GRIK4: variants seen among roughly 807,000 people sequenced by gnomAD.
The protein encoded by GRIK4 is glutamate receptor ionotropic, kainate 4.
In GRIK4, 40 loss-of-function variants were observed where a neutral mutation model predicts 104.9. The observed-to-expected ratio is 0.38, with a 90% confidence interval of 0.30 to 0.50. The LOEUF is 0.50. Ranked by LOEUF, GRIK4 falls within the 20% of genes least tolerant of loss-of-function variation. The pLI, the probability that GRIK4 is intolerant of heterozygous loss-of-function variation, is 0.93. For synonymous variants in GRIK4, 485 were observed against 524.9 expected (o/e 0.92, Z 1.04); for missense variants, 1,047 against 1,308.1 (o/e 0.80, Z 3.08).
At chr11:120,822,524 G>A (rs1178702569) in intron 6 of GRIK4, among the ~76,000 whole-genome samples, 1 of 152,218 alleles carries the variant, frequency 6.6e-6, no homozygotes, top group Non-Finnish European at 1.5e-5. Context: ...GTAGCCACAA[G>A]CCACGTATGG....
chr11:120,945,257 T>G (rs898722368), intron 14 of GRIK4, among the ~76,000 whole-genome samples: 1 of 152,194 alleles, frequency 6.6e-6, no homozygotes, highest in African/African-American at 2.4e-5. Flanking sequence ...AAATGGCACT[T>G]GCTCTTCCAC....
intron 1 of GRIK4, among the ~76,000 whole-genome samples, chr11:120,642,724 C>A (rs555682131): frequency 1.3e-5 from 2 of 152,194 alleles, no homozygotes; most frequent in Non-Finnish European, 2.9e-5. Context: ...CGGCCAGCAG[C>A]GGCCTTGGGT....
chr11:120,976,555 A>G (rs2134780694), intron 19 of GRIK4, among the ~76,000 whole-genome samples: 1 of 152,362 alleles, frequency 6.6e-6, no homozygotes, highest in African/African-American at 2.4e-5. Flanking sequence ...TAGTTCTGAA[A>G]TAGAAAGTGC....
intron 3 of GRIK4, among the ~76,000 whole-genome samples, chr11:120,701,176 G>A (rs1422259057): frequency 6.6e-6 from 1 of 152,106 alleles, no homozygotes; most frequent in Non-Finnish European, 1.5e-5. Context: ...GTACAATACG[G>A]TTTTATTAAC....
intron 1 of GRIK4, among the ~76,000 whole-genome samples, chr11:120,604,371 A>G (rs977331452): frequency 6.6e-6 from 1 of 152,152 alleles, no homozygotes; most frequent in Non-Finnish European, 1.5e-5. Context: ...TCAGGAAGGC[A>G]TGAACTAAAT....
intron 14 of GRIK4, among the ~76,000 whole-genome samples, chr11:120,951,926 G>A (rs191320459): frequency 1.4e-4 from 22 of 152,336 alleles, no homozygotes; most frequent in Admixed American, 9.8e-4. Context: ...TCTGTGGGCC[G>A]TATGCATCCA....
intron 9 of GRIK4, among the ~76,000 whole-genome samples, chr11:120,863,744 T>C (rs1402375757): frequency 6.6e-6 from 1 of 152,198 alleles, no homozygotes; most frequent in Non-Finnish European, 1.5e-5. Flanking sequence ...GGCATCTAAT[T>C]AGTACTTGGC....
intron 3 of GRIK4, among the ~76,000 whole-genome samples, chr11:120,753,295 C>CTGTG (rs1491473145): frequency 1.6e-4 from 19 of 116,106 alleles, no homozygotes; most frequent in Middle Eastern, 4.0e-3. Flanking sequence ...GACAACACAA[C>CTGTG]TCTGTGTGTG....
intron 3 of GRIK4, among the ~76,000 whole-genome samples, chr11:120,699,446 G>A (rs985088276): frequency 6.6e-6 from 1 of 152,016 alleles, no homozygotes; most frequent in Admixed American, 6.6e-5. Flanking sequence ...TACGGACCAG[G>A]TACTGTTCTA....
At chr11:120,655,723 G>T (rs1036291594) in intron 2 of GRIK4, among the ~76,000 whole-genome samples, 2 of 152,266 alleles carry the variant, frequency 1.3e-5, no homozygotes, top group East Asian at 3.9e-4. Context: ...CAGGATCTGG[G>T]GACTTATTAA....
intron 7 of GRIK4, among the ~76,000 whole-genome samples, chr11:120,836,244 T>G (rs1229279041): frequency 6.6e-6 from 1 of 152,220 alleles, no homozygotes; most frequent in African/African-American, 2.4e-5. Context: ...TTTCCATTAA[T>G]GAGACATGTG....
At chr11:120,735,130 T>C (rs893420893) in intron 3 of GRIK4, among the ~76,000 whole-genome samples, 5 of 152,178 alleles carry the variant, frequency 3.3e-5, no homozygotes, top group Middle Eastern at 3.2e-3. Flanking sequence ...TTGATGCTTG[T>C]AGATGTTTGT....
At position 120,759,362 on chromosome 11, in the gene GRIK4, C is replaced by T. The variant is rs575354888; in HGVS notation, c.83-43331C>T. Among the ~76,000 whole-genome samples, 5 of 152,318 alleles carry T rather than the reference C, an allele frequency of 3.3e-5. No individual in the cohort carries two copies. The South Asian group carries it at 1.0e-3, about 32-fold the overall frequency. ...CAGGGAGGCTGTCAGCATTGTTTGT[C>T]CTGGTGGCTCAGGGACATCAGATTC... On this transcript the variant is annotated intron_variant, in intron 3 of 20. Coordinates refer to ENST00000527524, the MANE Select transcript of GRIK4 (RefSeq NM_014619.5).
chr11:120,785,952 C>T (rs1175813976), intron 3 of GRIK4, among the ~76,000 whole-genome samples: 1 of 152,230 alleles, frequency 6.6e-6, no homozygotes, highest in African/African-American at 2.4e-5. Context: ...TTCCTTCCAA[C>T]CCATCTCCAG....
intron 3 of GRIK4, among the ~76,000 whole-genome samples, chr11:120,768,868 C>G (rs984748633): frequency 6.6e-6 from 1 of 152,150 alleles, no homozygotes; most frequent in South Asian, 2.1e-4. Flanking sequence ...GTTAAACCAG[C>G]CTTGCATGCC....
At chr11:120,763,953 G>A (rs1011114313) in intron 3 of GRIK4, among the ~76,000 whole-genome samples, 6 of 152,164 alleles carry the variant, frequency 3.9e-5, no homozygotes, top group Non-Finnish European at 4.4e-5. Flanking sequence ...GTAGGTGGCT[G>A]TTAGGTTCGC....
intron 3 of GRIK4, among the ~76,000 whole-genome samples, chr11:120,672,429 G>T (rs1175121612): frequency 6.6e-6 from 1 of 151,970 alleles, no homozygotes; most frequent in Non-Finnish European, 1.5e-5. Context: ...AAAAAAAATA[G>T]AAAAAAGAAA....
At chr11:120,531,388 G>A (rs1033254843) in intron 1 of GRIK4, among the ~76,000 whole-genome samples, 14 of 152,088 alleles carry the variant, frequency 9.2e-5, no homozygotes, top group African/African-American at 3.1e-4. Context: ...GCTCCATAGC[G>A]CTGCCCAAAT....
chr11:120,635,053 G>A (rs763869990), intron 1 of GRIK4, among the ~76,000 whole-genome samples: 28 of 152,284 alleles, frequency 1.8e-4, no homozygotes, highest in Non-Finnish European at 4.1e-4. Flanking sequence ...CCTTCTTTCC[G>A]TTTTCCAGAC....
Sources: allele counts gnomAD v4.1 joint callset (sites outside exome capture counted in the v4.1 genomes callset), GRCh38; gene constraint gnomAD v4.1.1; transcripts MANE v1.5; gene names NCBI Gene and HGNC (gene_info 2026-07-23, HGNC 2026-07-21).